ADAMTS6: variants seen among roughly 807,000 people sequenced by gnomAD.
The protein encoded by ADAMTS6 is ADAM metallopeptidase with thrombospondin type 1 motif 6.
In ADAMTS6, 23 loss-of-function variants were observed where a neutral mutation model predicts 144.3. That is an observed-to-expected ratio of 0.16 (90% CI 0.11 to 0.23). ADAMTS6 has a LOEUF of 0.23. Among genes scored for constraint, ADAMTS6 ranks in the 10% least tolerant of loss-of-function variants. ADAMTS6 has a pLI of 1.00. For missense variants in ADAMTS6, 999 were observed against 1,379.6 expected (o/e 0.72, Z 4.37); for synonymous variants, 444 against 457.5 (o/e 0.97, Z 0.38).
chr5:65,331,415 A>G (rs1263855018), intron 8 of ADAMTS6, among the ~76,000 whole-genome samples: 2 of 152,070 alleles, frequency 1.3e-5, no homozygotes, highest in African/African-American at 4.8e-5. Context: ...CATCTTATAT[A>G]AAATTATTAT....
intron 11 of ADAMTS6, among the ~76,000 whole-genome samples, chr5:65,281,017 T>C (rs534744190): frequency 1.3e-5 from 2 of 152,280 alleles, no homozygotes; most frequent in South Asian, 4.1e-4. Flanking sequence ...AGGGATGTTG[T>C]AGGCAGGAAT....
At chr5:65,364,503 T>C (rs1750113093) in intron 7 of ADAMTS6, among the ~76,000 whole-genome samples, 1 of 151,658 alleles carries the variant, frequency 6.6e-6, no homozygotes, top group African/African-American at 2.4e-5. Flanking sequence ...CTATCATCAG[T>C]AAAGCTTTCC....
chr5:65,428,698 C>A (rs961397118), intron 7 of ADAMTS6, among the ~76,000 whole-genome samples: 2 of 152,168 alleles, frequency 1.3e-5, no homozygotes, highest in Non-Finnish European at 1.5e-5. Flanking sequence ...CAACAAAGTA[C>A]CTTGCTGTCT....
intron 3 of ADAMTS6, among the ~76,000 whole-genome samples, chr5:65,468,701 A>G (rs1026107289): frequency 1.2e-4 from 18 of 152,218 alleles, no homozygotes; most frequent in Non-Finnish European, 2.9e-5. Context: ...GAAAGTCTCA[A>G]TAAGGATGAA....
intron 1 of ADAMTS6, among the ~76,000 whole-genome samples, chr5:65,475,083 C>T (rs1044029359): frequency 6.6e-6 from 1 of 151,720 alleles, no homozygotes; most frequent in Non-Finnish European, 1.5e-5. Context: ...GAAATTTTCA[C>T]ATAATAAATT....
intron 3 of ADAMTS6, among the ~76,000 whole-genome samples, chr5:65,462,122 T>C (rs144662908): frequency 2.6e-5 from 4 of 152,284 alleles, no homozygotes; most frequent in African/African-American, 9.6e-5. Context: ...CTGGCAGAAA[T>C]AACATAATAT....
intron 15 of ADAMTS6, among the ~76,000 whole-genome samples, chr5:65,228,396 G>T (rs1217192960): frequency 6.6e-6 from 1 of 152,156 alleles, no homozygotes; most frequent in Admixed American, 6.5e-5. Context: ...CTTGTTTACT[G>T]CTGAAGATGT....
chr5:65,157,729 C>T (rs567941253), intron 24 of ADAMTS6, among the ~76,000 whole-genome samples: 5 of 152,270 alleles, frequency 3.3e-5, no homozygotes, highest in Admixed American at 2.0e-4. Flanking sequence ...GTTGTGCATG[C>T]GTGGCACAGG....
At chr5:65,382,529 A>T (rs534237037) in intron 7 of ADAMTS6, among the ~76,000 whole-genome samples, 1 of 152,356 alleles carries the variant, frequency 6.6e-6, no homozygotes, top group African/African-American at 2.4e-5. Context: ...CCTTGCATAA[A>T]GCACTTAAGA....
chr5:65,357,610 CT>C (rs1417538994), intron 7 of ADAMTS6, among the ~76,000 whole-genome samples: 17 of 150,724 alleles, frequency 1.1e-4, no homozygotes, highest in African/African-American at 3.9e-4. Flanking sequence ...GTTAGCTAGA[CT>C]AAAAAATAAG....
chr5:65,172,816 A>T lies in ADAMTS6; in HGVS notation c.3087+16T>A. 3 of 1,609,542 alleles carry T rather than the reference A, an allele frequency of 1.9e-6. No homozygotes were observed. Among genetic ancestry groups the T allele is most frequent in the Non-Finnish European group, 2.5e-6 (3 of 1,178,232 alleles). ...AGGTGCTATTTCAGCAGGAGCCCAC[A>T]GTACAAACGCCTTACCTGGCCCCAG... On this transcript the variant is annotated intron_variant, in intron 23 of 24. Transcript: ENST00000381055.
intron 7 of ADAMTS6, among the ~76,000 whole-genome samples, chr5:65,395,935 G>A (rs1243848830): frequency 3.3e-5 from 5 of 152,194 alleles, no homozygotes; most frequent in Admixed American, 3.3e-4. Flanking sequence ...AAAACACTAA[G>A]TAGGGTTGGG....
intron 21 of ADAMTS6, among the ~76,000 whole-genome samples, chr5:65,193,845 A>G (rs989550662): frequency 4.6e-5 from 7 of 152,218 alleles, no homozygotes; most frequent in African/African-American, 9.6e-5. Context: ...TGGAATACCA[A>G]TTTAAATAAA....
intron 18 of ADAMTS6, among the ~76,000 whole-genome samples, chr5:65,220,996 G>C (rs1039953243): frequency 6.6e-6 from 1 of 152,076 alleles, no homozygotes; most frequent in South Asian, 2.1e-4. Context: ...TGAAAACTTT[G>C]TTATAAAAAT....
chr5:65,460,288 C>T lies in ADAMTS6; in HGVS notation c.513G>A (p.Lys171=). Residue 171 remains lysine, a synonymous_variant, in exon 4 of 25, where the codon AAG becomes AAA. Coordinates refer to ENST00000381055, the MANE Select transcript of ADAMTS6 (RefSeq NM_197941.4). ...AATGCTTGGAATCCTCTGTGGTATT[C>T]TTTAAAGGTTCGATAAAATACTCTT... The part of the protein sequence containing the change: ...EDEEYFIEPL[K]NTTEDSKHFS... The T allele has an allele frequency of 3.1e-6, 5 of 1,613,874 alleles. No homozygotes were observed. The highest frequency in any genetic ancestry group is 1.3e-5 in the African/African-American group (1 of 75,016).
At chr5:65,198,257 C>A (rs1465635689) in intron 20 of ADAMTS6, among the ~76,000 whole-genome samples, 1 of 152,128 alleles carries the variant, frequency 6.6e-6, no homozygotes, top group Non-Finnish European at 1.5e-5. Flanking sequence ...GTAAAAGCAG[C>A]ATTAGCAGTA....
intron 24 of ADAMTS6, among the ~76,000 whole-genome samples, chr5:65,159,947 T>C (rs1371302425): frequency 6.6e-6 from 1 of 152,230 alleles, no homozygotes; most frequent in African/African-American, 2.4e-5. Context: ...AAAAGTAATA[T>C]AATCTAGATG....
rs369392706 is a variant in ADAMTS6 at position 65,262,808 on chromosome 5, G to A, written c.1766+9C>T. On this transcript the variant is annotated intron_variant, in intron 13 of 24. Coordinates refer to ENST00000381055, the MANE Select transcript of ADAMTS6 (RefSeq NM_197941.4). ...TTTTTGTTGGCTCCGGCTTACTTTA[G>A]CTACTTACGCTGGACTGTCACAGTG... 477 of 1,491,374 alleles carry A rather than the reference G, an allele frequency of 3.2e-4. No homozygotes were observed. Among genetic ancestry groups the A allele is most frequent in the Non-Finnish European group, 4.2e-4 (469 of 1,124,352 alleles). The allele number at this position is 1,491,374 out of a possible 1,614,324, so 92.4% of individuals were successfully genotyped here.
intron 7 of ADAMTS6, among the ~76,000 whole-genome samples, chr5:65,389,168 C>T (rs567288982): frequency 9.2e-5 from 14 of 151,964 alleles, no homozygotes; most frequent in African/African-American, 2.7e-4. Context: ...CGCGCCACTG[C>T]ACTCCAGCCT....
Sources: gnomAD v4.1 joint callset for allele counts (sites outside exome capture counted in the v4.1 genomes callset) on GRCh38, gnomAD v4.1.1 for gene constraint, MANE v1.5 for transcripts, NCBI Gene and HGNC (gene_info 2026-07-23, HGNC 2026-07-21) for gene names.